Variants in SYNE2 observed in about 807,000 individuals in gnomAD.
SYNE2 encodes nesprin-2.
In SYNE2, 431 loss-of-function variants were observed where a neutral mutation model predicts 856.3. That is an observed-to-expected ratio of 0.50 (90% CI 0.47 to 0.55). SYNE2 has a LOEUF of 0.55. Ranked by LOEUF, SYNE2 falls within the 20% of genes least tolerant of loss-of-function variation. The pLI is 0.00. For missense variants in SYNE2, 8,129 were observed against 8,023.2 expected, an observed-to-expected ratio of 1.01 and a Z score of -0.50; for synonymous variants, 2,923 against 2,872.3, an observed-to-expected ratio of 1.02 and a Z score of -0.56.
At chr14:64,074,608 C>T (rs1027121034) in intron 53 of SYNE2, among the ~76,000 whole-genome samples, 3 of 152,130 alleles carry the variant, frequency 2.0e-5, no homozygotes, top group Admixed American at 6.5e-5. Flanking sequence ...TCAAAAGTCA[C>T]GTGTTGGCCG....
chr14:64,173,583 G>A (rs1173861242), intron 94 of SYNE2, among the ~76,000 whole-genome samples: 3 of 152,064 alleles, frequency 2.0e-5, no homozygotes, highest in Admixed American at 2.0e-4. Context: ...CAAGGTGAAG[G>A]AAATAATATT....
chr14:63,995,008 C>T (rs2096701811), intron 22 of SYNE2, 36 bp from the exon 23 acceptor site: 1 of 1,358,244 alleles, frequency 7.4e-7, no homozygotes, highest in East Asian at 2.5e-5. Context: ...ATATTTTGTT[C>T]TCATGGTTAA....
intron 45 of SYNE2, among the ~76,000 whole-genome samples, chr14:64,035,588 C>T (rs1296415476): frequency 1.4e-5 from 2 of 145,456 alleles, no homozygotes; most frequent in Non-Finnish European, 3.0e-5. Context: ...TGTAAAATCT[C>T]AGGCTGAAAA....
At chr14:63,979,760 C>T (rs1040925834) in intron 14 of SYNE2, among the ~76,000 whole-genome samples, 1 of 152,060 alleles carries the variant, frequency 6.6e-6, no homozygotes, top group Non-Finnish European at 1.5e-5. Context: ...ATTAGCTGGG[C>T]GTGGTTGTAG....
rs761257666 is a variant in SYNE2, at chr14:64,026,616, T to C, written c.6290T>C (p.Ile2097Thr). ...ILLKPEGDAR[I>T]ETIMKQAESS... ...CTGAAGCCTGAAGGGGATGCCAGAATAGAGACCATCATGAAGCAGGCTGAG... is the reference window on the plus strand; with the variant it reads ...CTGAAGCCTGAAGGGGATGCCAGAACAGAGACCATCATGAAGCAGGCTGAG... The change falls in exon 42 of 116, where the codon ATA becomes ACA. Residue 2097 changes from isoleucine (I) to threonine (T), a missense_variant. Physicochemically the swap from Ile to Thr is moderately conservative, Grantham distance 89. Coordinates refer to ENST00000555002, the MANE Select transcript of SYNE2 (RefSeq NM_182914.3). The C allele has an allele frequency of 1.9e-6, 3 of 1,613,816 alleles. No homozygotes were observed. The highest frequency in any genetic ancestry group is 2.2e-5 in the South Asian group (2 of 91,036).
At chr14:64,179,604 G>A (rs1470766975) in intron 96 of SYNE2, among the ~76,000 whole-genome samples, 2 of 151,866 alleles carry the variant, frequency 1.3e-5, no homozygotes, top group Non-Finnish European at 2.9e-5. Context: ...TTAAACTTTT[G>A]CTAATCCAGC....
intron 1 of SYNE2, among the ~76,000 whole-genome samples, chr14:63,845,744 T>C (rs1239643588): frequency 1.4e-5 from 2 of 138,180 alleles, no homozygotes; most frequent in East Asian, 4.2e-4. Context: ...TTTTCTTTTC[T>C]TTTTTTTTTT....
chr14:63,775,101 C>T (rs1478896886), intron 1 of SYNE2, among the ~76,000 whole-genome samples: 2 of 152,104 alleles, frequency 1.3e-5, no homozygotes, highest in Admixed American at 6.6e-5. Context: ...CTCAACCTCC[C>T]AAGTAGCTGG....
chr14:63,839,190 C>T lies in SYNE2; in HGVS notation c.-304-13311C>T, dbSNP rs150641157. Among the ~76,000 whole-genome samples the T allele has an allele frequency of 6.1e-3, 926 of 152,080 alleles. 7 individuals carry two copies. The highest frequency in any genetic ancestry group is 0.021 in the African/African-American group (870 of 41,496). The stretch of plus-strand genomic sequence containing the variant: ...GACTACAGTCATGTGCCACCATGCC[C>T]GGCTAATTTTTTGTATTTTTGGTAG... On this transcript the variant is annotated intron_variant, in intron 1 of 23. Transcript: ENST00000674003.
At chr14:63,860,332 G>A (rs1203085686) in intron 1 of SYNE2, among the ~76,000 whole-genome samples, 1 of 152,150 alleles carries the variant, frequency 6.6e-6, no homozygotes, top group African/African-American at 2.4e-5. Context: ...TCTTTCCTCT[G>A]GGCTGCATTA....
At chr14:63,926,033 C>CTGGTTTCACCACA (rs2095660392) in intron 2 of SYNE2, among the ~76,000 whole-genome samples, 2 of 152,036 alleles carry the variant, frequency 1.3e-5, no homozygotes, top group South Asian at 4.2e-4. Flanking sequence ...TTGTGGAGAC[C>CTGGTTTCACCACA]TGGTTTCACC....
Position 64,225,969 on chromosome 14 carries a change from A to T in SYNE2, c.*443A>T, listed in dbSNP as rs2098716865. 1 of 306,592 alleles carries T rather than the reference A, an allele frequency of 3.3e-6. No homozygotes were observed. Among genetic ancestry groups the T allele is most frequent in the Non-Finnish European group, 6.1e-6 (1 of 164,210 alleles). 19.0% of individuals were successfully genotyped at this position (306,592 alleles called of 1,614,324 possible). A position where few individuals can be genotyped will look rare whatever the true frequency, so the allele number is the denominator to read the frequency against. On this transcript the variant is annotated 3_prime_UTR_variant, in exon 116 of 116. Transcript: ENST00000555002. The stretch of plus-strand genomic sequence containing the variant: ...ATAGGCACCCTTAGCTGATGGAAAC[A>T]ATCAATCATATTTAATACGCTTAGA...
chr14:64,208,438 G>A (rs1241852193), intron 100 of SYNE2, among the ~76,000 whole-genome samples: 1 of 152,232 alleles, frequency 6.6e-6, no homozygotes, highest in Admixed American at 6.5e-5. Context: ...CCCGAAGTCT[G>A]TGGGGCGATG....
intron 1 of SYNE2, among the ~76,000 whole-genome samples, chr14:63,825,590 G>A (rs1280306548): frequency 6.6e-6 from 1 of 152,044 alleles, no homozygotes; most frequent in African/African-American, 2.4e-5. Context: ...TGAAAGAAAT[G>A]TAGCCAGGTG....
chr14:64,225,241 A>C, intron 115 of SYNE2, 78 bp from the exon 116 acceptor site: 1 of 1,603,822 alleles, frequency 6.2e-7, no homozygotes, highest in Non-Finnish European at 8.5e-7. Context: ...TCTTACTTAC[A>C]TAAGCAGGGG....
At chr14:64,151,702 C>G (rs935539282) in intron 84 of SYNE2, among the ~76,000 whole-genome samples, 12 of 152,120 alleles carry the variant, frequency 7.9e-5, no homozygotes, top group Non-Finnish European at 1.8e-4. Flanking sequence ...AGAAAGTATG[C>G]AGAAGCGCGT....
At chr14:64,186,712 T>C (rs777102764) in intron 97 of SYNE2, 133 bp downstream of exon 97, 2 of 1,173,930 alleles carry the variant, frequency 1.7e-6, no homozygotes, top group Non-Finnish European at 2.5e-6. Flanking sequence ...GCCCGGCCGC[T>C]GCTCCTTTAG....
intron 93 of SYNE2, among the ~76,000 whole-genome samples, chr14:64,169,392 A>AG (rs1421124815): frequency 1.3e-5 from 2 of 152,362 alleles, no homozygotes; most frequent in East Asian, 3.9e-4. Context: ...TAAGTCTGAA[A>AG]GAAGGGCTTT....
At chr14:63,915,518 A>G (rs1322794642) in intron 2 of SYNE2, among the ~76,000 whole-genome samples, 2 of 152,174 alleles carry the variant, frequency 1.3e-5, no homozygotes, top group Non-Finnish European at 2.9e-5. Context: ...TTAATTAGGC[A>G]CTGAACTAGG....
Sources: gnomAD v4.1 joint callset for allele counts (sites outside exome capture counted in the v4.1 genomes callset) on GRCh38, gnomAD v4.1.1 for gene constraint, MANE v1.5 for transcripts, NCBI Gene and HGNC (gene_info 2026-07-23, HGNC 2026-07-21) for gene names.